The following NPHP4 variants were observed in gnomAD, a reference collection of about 807,000 sequenced individuals.
The protein encoded by NPHP4 is nephrocystin-4.
In NPHP4, 151 loss-of-function variants were observed where a neutral mutation model predicts 155.8. That is an observed-to-expected ratio of 0.97 (90% CI 0.85 to 1.11). The LOEUF (loss-of-function observed/expected upper bound fraction) is 1.11, where lower values mean the gene tolerates loss of function less well. Ranked by LOEUF, NPHP4 falls within the 50% of genes least tolerant of loss-of-function variation. NPHP4 has a pLI of 0.00. For missense variants in NPHP4, 1,956 were observed against 1,925.7 expected (o/e 1.02, Z -0.29); for synonymous variants, 845 against 816.8 (o/e 1.03, Z -0.59).
intron 11 of NPHP4, among the ~76,000 whole-genome samples, chr1:5,911,354 A>T (rs972533733): frequency 1.3e-5 from 2 of 152,216 alleles, no homozygotes; most frequent in Non-Finnish European, 2.9e-5. Flanking sequence ...GGGAACTCGG[A>T]AAACTCCGCA....
rs148702681 is a variant in NPHP4, at chr1:5,898,547, G to A, written c.2143+6070C>T. 3.1e-3 allele frequency among the ~76,000 whole-genome samples: 479 copies of A among 152,360 alleles called. 1 individual carries two copies. Among genetic ancestry groups the A allele is most frequent in the Non-Finnish European group, 4.3e-3 (293 of 68,036 alleles). ...GCGGCTCTGCCGGGCAGACAGCCAC[G>A]CCTCAGATGCCGCTCTCTGAGTGGA... On this transcript the variant is annotated intron_variant, in intron 16 of 29. Transcript: ENST00000378156.
chr1:5,905,227 C>T lies in NPHP4; in HGVS notation c.1955+65G>A. ...CAGTTCTGCCAGGTCAGAACCTCAG[C>T]GAAGTTTCTCTTCAACACAGGAAAT... On this transcript the variant is annotated intron_variant, in intron 15 of 29. Coordinates refer to ENST00000378156, the MANE Select transcript of NPHP4 (RefSeq NM_015102.5). The surrounding 1 kb of genome is among the most constrained non-coding windows in gnomAD (Gnocchi z 4.0). 2.2e-6 allele frequency: 3 copies of T among 1,334,796 alleles called. No homozygotes were observed. The highest frequency in any genetic ancestry group is 2.3e-5 in the East Asian group (1 of 43,386). The allele number at this position is 1,334,796 out of a possible 1,614,324, so 82.7% of individuals were successfully genotyped here.
In NPHP4 at chr1:5,887,275, G is replaced by C; in HGVS notation, c.2485+11C>G. 1 of 1,609,304 alleles carries C rather than the reference G, an allele frequency of 6.2e-7. No homozygotes were observed. The highest frequency in any genetic ancestry group is 8.5e-7 in the Non-Finnish European group (1 of 1,177,812). On this transcript the variant is annotated intron_variant, in intron 18 of 29. Transcript: ENST00000378156. ...CCGCTGGAGAAATGGCACAAGGCTG[G>C]GGACTCTTACCCACGTTGGCCAAAG...
Position 5,875,134 on chromosome 1 carries a change from C to G in NPHP4, c.2818-34G>C, listed in dbSNP as rs746348830. ...AAGAGGACATGGGTGGACAGGGTCC[C>G]AGGCACACTCTCCTCCACAAGGGGC... On this transcript the variant is annotated intron_variant, in intron 20 of 29. Coordinates refer to ENST00000378156, the MANE Select transcript of NPHP4 (RefSeq NM_015102.5). The G allele has an allele frequency of 2.7e-6, 4 of 1,502,270 alleles. No individual in the cohort carries two copies. In the East Asian group the frequency reaches 7.1e-5, roughly 27 times the overall value. 93.1% of individuals were successfully genotyped at this position (1,502,270 alleles called of 1,614,324 possible). A position where few individuals can be genotyped will look rare whatever the true frequency, so the allele number is the denominator to read the frequency against.
At chr1:5,969,316 A>G in intron 3 of NPHP4, 57 bp from the exon 4 acceptor site, 2 of 1,253,464 alleles carry the variant, frequency 1.6e-6, no homozygotes, top group Non-Finnish European at 1.1e-6. Context: ...CAAAGAGGAC[A>G]TGGGCGCTGT....
At position 5,887,369 on chromosome 1, in the gene NPHP4, T is replaced by C; in HGVS notation, c.2402A>G (p.Asp801Gly). ...CTTGACGCGGCCAAACCCCAGCATGTCTCCACTCACCACCATGTTGTCCTG... is the reference window on the plus strand; with the variant it reads ...CTTGACGCGGCCAAACCCCAGCATGCCTCCACTCACCACCATGTTGTCCTG... ...YEQDNMVVSG[D>G]MLGFGRVKPI... The change falls in exon 18 of 30, where the codon GAC becomes GGC. Residue 801 changes from aspartate to glycine, a missense_variant. Asp to Gly is a moderately conservative substitution (Grantham distance 94). Transcript: ENST00000378156. 6.2e-7 allele frequency: 1 copy of C among 1,613,542 alleles called. No individual in the cohort carries two copies. Among genetic ancestry groups the C allele is most frequent in the Non-Finnish European group, 8.5e-7 (1 of 1,179,886 alleles).
chr1:5,933,185 CCAGA>C lies in NPHP4; in HGVS notation c.1260_1263del (p.Cys420TrpfsTer10). ...ATGCTGGCTGAGGGTACCTTGTAGA[CCAGA>C]CAGTGCGAGGGGTTGGGCTGGATCC... On this transcript the variant is annotated frameshift_variant, in exon 10 of 30. Coordinates refer to ENST00000378156, the MANE Select transcript of NPHP4 (RefSeq NM_015102.5). LOFTEE classifies it high-confidence loss of function. The C allele has an allele frequency of 6.2e-7, 1 of 1,612,316 alleles. No individual in the cohort carries two copies. The highest frequency in any genetic ancestry group is 8.5e-7 in the Non-Finnish European group (1 of 1,178,712).
intron 12 of NPHP4, 38 bp from the exon 13 acceptor site, chr1:5,907,260 C>T: frequency 7.4e-7 from 1 of 1,354,478 alleles, no homozygotes. Context: ...GGCTCAGAAG[C>T]TTGCCAGTCC....
At chr1:5,906,447 G>T (rs1320358962) in intron 13 of NPHP4, among the ~76,000 whole-genome samples, 1 of 152,262 alleles carries the variant, frequency 6.6e-6, no homozygotes, top group Non-Finnish European at 1.5e-5. Context: ...CATGTCTCAT[G>T]CGCCAATAAT....
chr1:5,959,120 G>C (rs1233254741), intron 6 of NPHP4, among the ~76,000 whole-genome samples: 1 of 152,072 alleles, frequency 6.6e-6, no homozygotes, highest in African/African-American at 2.4e-5. Context: ...ACCTGGTGGA[G>C]TCAGTCAGTC....
At position 5,867,778 on chromosome 1, in the gene NPHP4, T is replaced by G; in HGVS notation, c.3434A>C (p.Lys1145Thr). Residue 1145 changes from lysine (K) to threonine (T), a missense_variant, in exon 24 of 30, where the codon AAG becomes ACG. Coordinates refer to ENST00000378156, the MANE Select transcript of NPHP4 (RefSeq NM_015102.5). The surrounding 1 kb of genome is among the most constrained non-coding windows in gnomAD (Gnocchi z 4.1). Reference protein sequence around the residue: ...RFYHPELSFLKKAIRLPPWHT... With the variant: ...RFYHPELSFLTKAIRLPPWHT... ...CCAGGGCGGCAGGCGGATGGCCTTCTTCAGGAAGGAGAGCTCCGGGTGATA... is the reference window on the plus strand; with the variant it reads ...CCAGGGCGGCAGGCGGATGGCCTTCGTCAGGAAGGAGAGCTCCGGGTGATA... 2 of 1,612,208 alleles carry G rather than the reference T, an allele frequency of 1.2e-6. No individual in the cohort carries two copies. The highest frequency in any genetic ancestry group is 1.1e-5 in the South Asian group (1 of 91,088).
intron 5 of NPHP4, among the ~76,000 whole-genome samples, chr1:5,964,512 C>T (rs566228025): frequency 1.3e-3 from 203 of 152,230 alleles, no homozygotes; most frequent in African/African-American, 4.5e-3. Context: ...AAGACCACCG[C>T]GTGTTCTGTA....
At chr1:5,871,893 G>A (rs900757814) in intron 23 of NPHP4, among the ~76,000 whole-genome samples, 1 of 152,200 alleles carries the variant, frequency 6.6e-6, no homozygotes, top group African/African-American at 2.4e-5. Context: ...AAAAAGAAAA[G>A]TCCTTATCAG....
At chr1:5,931,193 G>C (rs956804404) in intron 10 of NPHP4, among the ~76,000 whole-genome samples, 1 of 152,054 alleles carries the variant, frequency 6.6e-6, no homozygotes, top group Admixed American at 6.5e-5. Flanking sequence ...GTTGGGCTTT[G>C]TCTTTCATTA....
At chr1:5,900,554 G>A (rs1348250531) in intron 16 of NPHP4, among the ~76,000 whole-genome samples, 1 of 152,062 alleles carries the variant, frequency 6.6e-6, no homozygotes, top group Non-Finnish European at 1.5e-5. Flanking sequence ...AGGAGGGGAG[G>A]GCTAAATAGG....
At chr1:5,975,861 T>C (rs1426828570) in intron 3 of NPHP4, among the ~76,000 whole-genome samples, 1 of 152,080 alleles carries the variant, frequency 6.6e-6, no homozygotes, top group Non-Finnish European at 1.5e-5. Context: ...CGTCCTACCA[T>C]GTGACTGGAA....
chr1:5,976,129 G>C (rs1653518767), intron 3 of NPHP4, among the ~76,000 whole-genome samples: 1 of 152,180 alleles, frequency 6.6e-6, no homozygotes, highest in South Asian at 2.1e-4. Context: ...TCAGAAGCAG[G>C]AGGTCACGGA....
chr1:5,984,606 T>C (rs1347810769), intron 2 of NPHP4, among the ~76,000 whole-genome samples: 3 of 152,034 alleles, frequency 2.0e-5, no homozygotes, highest in Non-Finnish European at 4.4e-5. Flanking sequence ...GAAAAATAAA[T>C]GTAGGTATAT....
At chr1:5,947,950 A>G in intron 8 of NPHP4, 120 bp downstream of exon 8, 1 of 763,616 alleles carries the variant, frequency 1.3e-6, no homozygotes, top group Non-Finnish European at 2.2e-6. Flanking sequence ...TCCAAGAGGA[A>G]AGAAACACAA....
Sources: allele counts gnomAD v4.1 joint callset (sites outside exome capture counted in the v4.1 genomes callset), GRCh38; gene constraint gnomAD v4.1.1; non-coding constraint Gnocchi (gnomAD v3.1); transcripts MANE v1.5; gene names NCBI Gene and HGNC (gene_info 2026-07-23, HGNC 2026-07-21).